The following SPTLC2 variants were observed in gnomAD, a reference collection of about 807,000 sequenced individuals.
SPTLC2 encodes the protein serine palmitoyltransferase 2.
A neutral mutation model predicts 62.0 loss-of-function variants in SPTLC2; 21 were observed. That is an observed-to-expected ratio of 0.34 (90% CI 0.24 to 0.49). The LOEUF is 0.49. Ranked by LOEUF, SPTLC2 falls within the 20% of genes least tolerant of loss-of-function variation. SPTLC2 has a pLI of 0.99. For missense variants in SPTLC2, 511 were observed against 713.0 expected, an observed-to-expected ratio of 0.72 and a Z score of 3.23; for synonymous variants, 261 against 261.8, an observed-to-expected ratio of 1.00 and a Z score of 0.03.
intron 11 of SPTLC2, 32 bp from the exon 12 acceptor site, chr14:77,512,435 CAG>C: frequency 1.9e-6 from 3 of 1,614,116 alleles, no homozygotes; most frequent in Non-Finnish European, 2.5e-6. Context: ...AGAGGTCTGT[CAG>C]AGCCAGTAGG....
chr14:77,552,303 G>C, intron 8 of SPTLC2, 81 bp from the exon 9 acceptor site: 1 of 1,529,510 alleles, frequency 6.5e-7, no homozygotes, highest in East Asian at 2.3e-5. Flanking sequence ...CTAAGTTCTA[G>C]AGGACTCCTC....
chr14:77,566,081 A>G (rs1479875431), intron 5 of SPTLC2, among the ~76,000 whole-genome samples: 1 of 152,140 alleles, frequency 6.6e-6, no homozygotes, highest in Non-Finnish European at 1.5e-5. Context: ...TCCCCTCCGC[A>G]CAAAATTTTA....
chr14:77,552,622 A>G (rs2079561476), intron 8 of SPTLC2, among the ~76,000 whole-genome samples: 1 of 152,096 alleles, frequency 6.6e-6, no homozygotes, highest in Non-Finnish European at 1.5e-5. Flanking sequence ...CCTGACCAAC[A>G]TGGTGAAACC....
intron 2 of SPTLC2, among the ~76,000 whole-genome samples, chr14:77,594,611 C>T (rs931516480): frequency 2.6e-5 from 4 of 152,108 alleles, no homozygotes; most frequent in African/African-American, 9.7e-5. Context: ...AAAACAAAAA[C>T]AAAAACAATA....
rs1331105238 is a variant in SPTLC2 at position 77,555,653 on chromosome 14, T to C, written c.957-134A>G. On this transcript the variant is annotated intron_variant, in intron 7 of 11. Coordinates refer to ENST00000216484, the MANE Select transcript of SPTLC2 (RefSeq NM_004863.4). ...TTTCTTGGGACAGAGTTTTGCTCCA[T>C]TGTCCAGGCTGAAGTGCAGTGGCAT... 7 of 901,572 alleles carry C rather than the reference T, an allele frequency of 7.8e-6. No homozygotes were observed. In the Admixed American group the frequency reaches 9.0e-5, roughly 12 times the overall value. The allele number at this position is 901,572 out of a possible 1,614,324, so 55.8% of individuals were successfully genotyped here.
At chr14:77,575,594 C>T (rs8010191) in intron 4 of SPTLC2, among the ~76,000 whole-genome samples, 40,612 of 152,122 alleles carry the variant, frequency 0.27, 5,922 homozygotes, top group Non-Finnish European at 0.32. Flanking sequence ...TGCAGTAGCA[C>T]GATCATAGCT....
At chr14:77,521,682 G>T in intron 9 of SPTLC2, 101 bp from the exon 10 acceptor site, 2 of 1,125,228 alleles carry the variant, frequency 1.8e-6, no homozygotes, top group Non-Finnish European at 2.6e-6. Flanking sequence ...AATCAGTTCT[G>T]TTTCGTTTTT....
In SPTLC2 at chr14:77,577,008, G is replaced by A. The variant is rs1175333313; in HGVS notation, c.483-93C>T. On this transcript the variant is annotated intron_variant, in intron 3 of 11. Coordinates refer to ENST00000216484, the MANE Select transcript of SPTLC2 (RefSeq NM_004863.4). ...AACTGGTGACACAAAAGGAAGCAGA[G>A]AGAACAAAGTCTATATTAAAAAAAT... is the stretch of plus-strand genomic sequence containing the variant. 5.6e-6 allele frequency: 8 copies of A among 1,425,154 alleles called. No individual in the cohort carries two copies. In the South Asian group the frequency reaches 5.8e-5, roughly 10 times the overall value. The allele number at this position is 1,425,154 out of a possible 1,614,324, so 88.3% of individuals were successfully genotyped here.
intron 9 of SPTLC2, among the ~76,000 whole-genome samples, chr14:77,526,358 T>C (rs902377117): frequency 2.0e-5 from 3 of 152,340 alleles, no homozygotes; most frequent in South Asian, 4.1e-4. Flanking sequence ...TTTAAAAAAA[T>C]ACTGCTCTTA....
In SPTLC2 at chr14:77,530,032, T is replaced by C. The variant is rs76943701; in HGVS notation, c.1304-8451A>G. Among the ~76,000 whole-genome samples, 105 of 152,324 alleles carry C rather than the reference T, an allele frequency of 6.9e-4. 1 individual carries two copies. The East Asian group carries it at 0.018, about 26-fold the overall frequency. The stretch of plus-strand genomic sequence containing the variant: ...AAATGAAAGAATATGTTGATTTATA[T>C]TAATTTAAATTAAGAATTCTCTTGC... On this transcript the variant is annotated intron_variant, in intron 9 of 11. Coordinates refer to ENST00000216484, the MANE Select transcript of SPTLC2 (RefSeq NM_004863.4).
At chr14:77,537,210 A>C (rs1202572525) in intron 9 of SPTLC2, among the ~76,000 whole-genome samples, 1 of 151,806 alleles carries the variant, frequency 6.6e-6, no homozygotes, top group Non-Finnish European at 1.5e-5. Context: ...GAGCCACTGC[A>C]CCTGGCCTAT....
At chr14:77,565,856 A>G (rs983702291) in intron 5 of SPTLC2, among the ~76,000 whole-genome samples, 3 of 152,220 alleles carry the variant, frequency 2.0e-5, no homozygotes, top group South Asian at 4.1e-4. Context: ...ATGTTAACAT[A>G]AAGGGAAGCT....
Position 77,509,697 on chromosome 14 carries a change from GAT to G in SPTLC2, c.*2585_*2586del, listed in dbSNP as rs1408509701. 11 of 393,118 alleles carry G rather than the reference GAT, an allele frequency of 2.8e-5. No homozygotes were observed. The highest frequency in any genetic ancestry group is 2.7e-4 in the Admixed American group (6 of 22,588). 24.4% of individuals were successfully genotyped at this position (393,118 alleles called of 1,614,324 possible). ...TACTTGGATAAATGATGATACCTAGGATATGACTGGACCCTAGATTTACATTA... is the reference window on the plus strand; with the variant it reads ...TACTTGGATAAATGATGATACCTAGGATGACTGGACCCTAGATTTACATTA... On this transcript the variant is annotated 3_prime_UTR_variant, in exon 12 of 12. Coordinates refer to ENST00000216484, the MANE Select transcript of SPTLC2 (RefSeq NM_004863.4).
At chr14:77,567,857 G>T (rs2079654465) in intron 5 of SPTLC2, among the ~76,000 whole-genome samples, 1 of 145,260 alleles carries the variant, frequency 6.9e-6, no homozygotes, top group African/African-American at 2.5e-5. Context: ...GATGGAGTCT[G>T]GCTGCTTTAC....
At chr14:77,543,997 A>C (rs1169896856) in intron 9 of SPTLC2, among the ~76,000 whole-genome samples, 2 of 152,178 alleles carry the variant, frequency 1.3e-5, no homozygotes, top group Non-Finnish European at 2.9e-5. Flanking sequence ...AAAAGTTAAA[A>C]GGAAAAAAAG....
Position 77,506,346 on chromosome 14 carries a change from T to C in SPTLC2, c.*5938A>G, listed in dbSNP as rs1177103055. The C allele has an allele frequency of 1.3e-5, 2 of 152,174 alleles. No individual in the cohort carries two copies. The allele number at this position is 152,174 out of a possible 1,614,324, so 9.4% of individuals were successfully genotyped here. On this transcript the variant is annotated 3_prime_UTR_variant, in exon 12 of 12. Transcript: ENST00000216484. ...CACAGCATCCCCTTGCAAATTCCAG[T>C]TTACAGGTAACTTGGTCAGGGGAAA...
chr14:77,555,621 T>TA (rs151267420), intron 7 of SPTLC2, 102 bp from the exon 8 acceptor site: 51 of 963,808 alleles, frequency 5.3e-5, no homozygotes, highest in Non-Finnish European at 7.0e-5. Context: ...TTACTGCTTC[T>TA]TTTTTTTTTC....
In SPTLC2 at chr14:77,540,498, G is replaced by A. The variant is rs146398524; in HGVS notation, c.1303+11598C>T. 6.6e-3 allele frequency among the ~76,000 whole-genome samples: 1,004 copies of A among 151,932 alleles called. 8 individuals carry two copies. The highest frequency in any genetic ancestry group is 0.022 in the African/African-American group (922 of 41,436). On this transcript the variant is annotated intron_variant, in intron 9 of 11. Transcript: ENST00000216484. ...TTTAATTTTTTAAATTTTTTGAGAC[G>A]GAGTCTTGCTCAGTTGCCCAGGCTG...
intron 6 of SPTLC2, chr14:77,557,456 G>A: frequency 5.4e-6 from 2 of 370,632 alleles, no homozygotes; most frequent in Non-Finnish European, 1.0e-5. Flanking sequence ...GTTAGCTTCT[G>A]TGTGTTTATC....
Sources: allele counts gnomAD v4.1 joint callset (sites outside exome capture counted in the v4.1 genomes callset), GRCh38; gene constraint gnomAD v4.1.1; transcripts MANE v1.5; gene names NCBI Gene and HGNC (gene_info 2026-07-23, HGNC 2026-07-21).